MRPS35: variants seen among roughly 807,000 people sequenced by gnomAD.
MRPS35 encodes small ribosomal subunit protein mS35.
Under a neutral mutation model 32.7 loss-of-function variants are expected in MRPS35, and 29 were observed. The ratio of observed to expected loss-of-function variants is 0.89; its 90% CI spans 0.66 to 1.21. The LOEUF (loss-of-function observed/expected upper bound fraction) is 1.21, where lower values mean the gene tolerates loss of function less well. Among genes scored for constraint, MRPS35 ranks in the 50% most tolerant of loss-of-function variants. The pLI is 0.00. For missense variants in MRPS35, 373 were observed against 383.8 expected, an observed-to-expected ratio of 0.97 and a Z score of 0.23; for synonymous variants, 148 against 139.3, an observed-to-expected ratio of 1.06 and a Z score of -0.44.
At chr12:27,740,085 T>C (rs1219425671) in intron 7 of MRPS35, among the ~76,000 whole-genome samples, 1 of 152,230 alleles carries the variant, frequency 6.6e-6, no homozygotes, top group Non-Finnish European at 1.5e-5. Flanking sequence ...TTTGCGGAGC[T>C]GCTAGAAAAG....
At chr12:27,730,218 T>A (rs1010225022) in intron 5 of MRPS35, among the ~76,000 whole-genome samples, 2 of 152,216 alleles carry the variant, frequency 1.3e-5, no homozygotes, top group African/African-American at 4.8e-5. Context: ...TGTTCCAGAA[T>A]CCCATCCAGT....
At chr12:27,747,498 G>T (rs1591803261) in intron 7 of MRPS35, among the ~76,000 whole-genome samples, 2 of 144,620 alleles carry the variant, frequency 1.4e-5, no homozygotes, top group East Asian at 4.4e-4. Flanking sequence ...GTAGCTGAAA[G>T]AATTGACAGT....
chr12:27,735,153 T>TC (rs2061938090), intron 5 of MRPS35, among the ~76,000 whole-genome samples: 3 of 152,224 alleles, frequency 2.0e-5, no homozygotes, highest in African/African-American at 7.2e-5. Context: ...TTAGTGCTAC[T>TC]CGTAAGCACC....
intron 3 of MRPS35, among the ~76,000 whole-genome samples, chr12:27,719,476 C>G (rs2061864330): frequency 6.6e-6 from 1 of 151,876 alleles, no homozygotes. Context: ...ACCATCCTGG[C>G]TAACAAGGTG....
At chr12:27,736,721 G>T (rs2061944606) in intron 6 of MRPS35, among the ~76,000 whole-genome samples, 1 of 152,152 alleles carries the variant, frequency 6.6e-6, no homozygotes, top group Non-Finnish European at 1.5e-5. Flanking sequence ...GTCATCTCAT[G>T]TATGTAGAAG....
rs188993616 is a variant in MRPS35 at position 27,745,673 on chromosome 12, C to A, written c.702+8065C>A. ...CATGTTGGTGTGCTGCACCCATTAA[C>A]TCGTCATTTAACATTAGGTATATCT... On this transcript the variant is annotated intron_variant, in intron 7 of 7. Coordinates refer to ENST00000081029, the MANE Select transcript of MRPS35 (RefSeq NM_021821.4). Among the ~76,000 whole-genome samples the A allele has an allele frequency of 1.6e-4, 24 of 152,022 alleles. 1 individual carries two copies. Among genetic ancestry groups the A allele is most frequent in the Admixed American group, 1.0e-3 (16 of 15,268 alleles).
At chr12:27,749,154 A>G (rs1367035061) in intron 7 of MRPS35, among the ~76,000 whole-genome samples, 2 of 151,794 alleles carry the variant, frequency 1.3e-5, no homozygotes, top group East Asian at 1.9e-4. Context: ...TTTTTCTTCT[A>G]CTTTTTAGTA....
Position 27,725,975 on chromosome 12 carries a change from A to G in MRPS35, c.522+1789A>G, listed in dbSNP as rs1043698318. On this transcript the variant is annotated intron_variant, in intron 5 of 7. Transcript: ENST00000081029. ...AGGAGTGTGCCACCATGCCTGGCCA[A>G]TTTTTTTGAATTTTTGTAGAGACAG... Among the ~76,000 whole-genome samples the G allele has an allele frequency of 2.0e-5, 3 of 151,412 alleles. No individual in the cohort carries two copies. In the East Asian group the frequency reaches 5.8e-4, roughly 29 times the overall value.
chr12:27,731,378 G>A (rs1407833425), intron 5 of MRPS35, among the ~76,000 whole-genome samples: 1 of 152,148 alleles, frequency 6.6e-6, no homozygotes, highest in East Asian at 1.9e-4. Context: ...CTTTAAGCCA[G>A]AACATTCAAA....
chr12:27,751,102 CAAAAAAAAAAAA>C (rs71438703), intron 7 of MRPS35, among the ~76,000 whole-genome samples: 5 of 38,136 alleles, frequency 1.3e-4, no homozygotes, highest in East Asian at 9.6e-4. Context: ...GACTCCATCT[CAAAAAAAAAAAA>C]AAAAAAAAAA....
chr12:27,711,234 C>T (rs900443069), intron 1 of MRPS35, among the ~76,000 whole-genome samples: 1 of 152,184 alleles, frequency 6.6e-6, no homozygotes, highest in African/African-American at 2.4e-5. Context: ...TTGCCCCCGT[C>T]CACAGCCCCT....
At chr12:27,713,310 G>C (rs1465988252) in intron 1 of MRPS35, among the ~76,000 whole-genome samples, 4 of 152,184 alleles carry the variant, frequency 2.6e-5, no homozygotes, top group African/African-American at 9.7e-5. Context: ...ATGTAGGATA[G>C]GATAGATGTA....
intron 6 of MRPS35, 35 bp downstream of exon 6, chr12:27,735,591 G>T (rs758996280): frequency 1.4e-6 from 2 of 1,473,464 alleles, no homozygotes; most frequent in Admixed American, 3.5e-5. Flanking sequence ...CTGGTCACGT[G>T]TGTTTCCTCA....
At chr12:27,722,783 A>T (rs187630711) in intron 4 of MRPS35, among the ~76,000 whole-genome samples, 103 of 152,352 alleles carry the variant, frequency 6.8e-4, no homozygotes, top group African/African-American at 2.1e-3. Flanking sequence ...CAAGGAATGG[A>T]GTGAACTATG....
chr12:27,716,087 G>A (rs528377987), intron 2 of MRPS35, among the ~76,000 whole-genome samples: 1 of 152,310 alleles, frequency 6.6e-6, no homozygotes, highest in East Asian at 1.9e-4. Context: ...AGGGTTTGAA[G>A]AAACAGTGCA....
intron 3 of MRPS35, 71 bp downstream of exon 3, chr12:27,716,529 G>A (rs1252296072): frequency 1.4e-6 from 2 of 1,480,292 alleles, no homozygotes; most frequent in Non-Finnish European, 1.9e-6. Context: ...CCCTATTTCT[G>A]CTCTCTTATG....
chr12:27,740,712 T>C (rs1377281701), intron 7 of MRPS35, among the ~76,000 whole-genome samples: 2 of 152,238 alleles, frequency 1.3e-5, no homozygotes, highest in African/African-American at 2.4e-5. Context: ...ATATTACTGT[T>C]GTATACTATT....
chr12:27,717,186 A>G (rs550992525), intron 3 of MRPS35, among the ~76,000 whole-genome samples: 3 of 152,230 alleles, frequency 2.0e-5, no homozygotes, highest in East Asian at 3.9e-4. Flanking sequence ...CCAGCCTATC[A>G]TATCTTTTCT....
At chr12:27,745,691 G>A (rs545371673) in intron 7 of MRPS35, among the ~76,000 whole-genome samples, 3 of 152,086 alleles carry the variant, frequency 2.0e-5, no homozygotes, top group East Asian at 1.9e-4. Context: ...TTAACATTAG[G>A]TATATCTCCT....
Sources: allele counts gnomAD v4.1 joint callset (sites outside exome capture counted in the v4.1 genomes callset), GRCh38; gene constraint gnomAD v4.1.1; transcripts MANE v1.5; gene names NCBI Gene and HGNC (gene_info 2026-07-23, HGNC 2026-07-21).